The following TXNRD2 variants were observed in gnomAD, a reference collection of about 807,000 sequenced individuals.
TXNRD2 encodes the protein thioredoxin reductase 2, mitochondrial.
A neutral mutation model predicts 70.8 loss-of-function variants in TXNRD2; 67 were observed. The ratio of observed to expected loss-of-function variants is 0.95; its 90% confidence interval spans 0.78 to 1.16. The LOEUF (loss-of-function observed/expected upper bound fraction) is 1.16. Among genes scored for constraint, TXNRD2 ranks in the 50% most tolerant of loss-of-function variants. TXNRD2 has a pLI of 0.00. For missense variants in TXNRD2, 644 were observed against 719.9 expected (o/e 0.89, Z 1.21); for synonymous variants, 301 against 295.8 (o/e 1.02, Z -0.18).
At chr22:19,910,373 A>C (rs16982751) in intron 8 of TXNRD2, among the ~76,000 whole-genome samples, 5,206 of 152,232 alleles carry the variant, frequency 0.034, 126 homozygotes, top group South Asian at 0.087. Flanking sequence ...GAAGACAGTG[A>C]GGGTGTTAGA....
chr22:19,890,485 C>T lies in TXNRD2; in HGVS notation c.949+4922G>A, dbSNP rs139453294. 3.7e-3 allele frequency among the ~76,000 whole-genome samples: 561 copies of T among 152,282 alleles called. 4 individuals are homozygous for T. The highest frequency in any genetic ancestry group is 0.012 in the African/African-American group (519 of 41,546). On this transcript the variant is annotated intron_variant, in intron 11 of 17. Transcript: ENST00000400521. Reference sequence around the variant, plus strand: ...GGGTCACTGCTGGGCCCATCCCCACCGGGAAGAGCATAGCCACAAACTTGG... The same window carrying T: ...GGGTCACTGCTGGGCCCATCCCCACTGGGAAGAGCATAGCCACAAACTTGG...
chr22:19,881,145 T>G, intron 12 of TXNRD2: 1 of 443,992 alleles, frequency 2.3e-6, no homozygotes, highest in East Asian at 3.3e-5. Context: ...GCTCCTGACG[T>G]GCAGCTTGAT....
At chr22:19,875,913 GAAAT>G (rs879786748) in intron 17 of TXNRD2, 106 bp from the exon 18 acceptor site, 1 of 152,372 alleles carries the variant, frequency 6.6e-6, no homozygotes, top group Admixed American at 6.5e-5. Flanking sequence ...AGATGGGTGA[GAAAT>G]AAACCCAGCA....
rs1444046000 is a variant in TXNRD2, at chr22:19,878,029, C to T, written c.1445+61G>A. On this transcript the variant is annotated intron_variant, in intron 16 of 17. Transcript: ENST00000400521. ...GCAGCAGCTCTCCACTGTAGGACTG[C>T]CGGCACTCGAGGGATACCCAGCTGC... 3.5e-6 allele frequency: 5 copies of T among 1,417,024 alleles called. No homozygotes were observed. The African/African-American group carries it at 7.1e-5, about 20-fold the overall frequency. The allele number at this position is 1,417,024 out of a possible 1,614,324, so 87.8% of individuals were successfully genotyped here.
intron 4 of TXNRD2, 105 bp downstream of exon 4, chr22:19,918,755 C>T: frequency 7.0e-7 from 1 of 1,428,620 alleles, no homozygotes; most frequent in Non-Finnish European, 9.7e-7. Flanking sequence ...GAAACCCATC[C>T]TACGGCCCAC....
At chr22:19,924,323 A>G (rs1466258592) in intron 2 of TXNRD2, among the ~76,000 whole-genome samples, 2 of 152,038 alleles carry the variant, frequency 1.3e-5, no homozygotes, top group Non-Finnish European at 2.9e-5. Flanking sequence ...CATCCTTTAT[A>G]GCCACATAGC....
chr22:19,912,718 T>C (rs1940467377), intron 7 of TXNRD2, among the ~76,000 whole-genome samples: 1 of 152,230 alleles, frequency 6.6e-6, no homozygotes, highest in Admixed American at 6.5e-5. Context: ...GAGCCCCACC[T>C]CTGTGCATAA....
chr22:19,911,560 A>G, intron 7 of TXNRD2, 113 bp from the exon 8 acceptor site: 1 of 811,384 alleles, frequency 1.2e-6, no homozygotes, highest in Non-Finnish European at 2.1e-6. Context: ...CAGGGCACAC[A>G]TGCACAGGGC....
chr22:19,928,207 T>C (rs1485870438), intron 2 of TXNRD2, among the ~76,000 whole-genome samples: 2 of 151,770 alleles, frequency 1.3e-5, no homozygotes, highest in Non-Finnish European at 2.9e-5. Flanking sequence ...CACGATCCAG[T>C]TGGTCCATTT....
In TXNRD2 at chr22:19,895,958, C is replaced by G. The variant is rs147959426; in HGVS notation, c.775-377G>C. ...GCTGCAATGAACTGTGATCACACCA[C>G]TGCACTCCAGCCTGGGCGACAGAGT... On this transcript the variant is annotated intron_variant, in intron 10 of 17. Transcript: ENST00000400521. Among the ~76,000 whole-genome samples the G allele has an allele frequency of 2.7e-3, 413 of 152,334 alleles. 3 individuals are homozygous for G. Among genetic ancestry groups the G allele is most frequent in the African/African-American group, 9.6e-3 (399 of 41,574 alleles).
chr22:19,883,625 G>A, intron 11 of TXNRD2, 164 bp from the exon 12 acceptor site: 3 of 966,128 alleles, frequency 3.1e-6, no homozygotes, highest in Non-Finnish European at 3.2e-6. Flanking sequence ...ATCACCTGAG[G>A]TCATGAGTTC....
intron 1 of TXNRD2, 60 bp from the exon 2 acceptor site, chr22:19,931,158 C>T: frequency 1.3e-6 from 2 of 1,500,878 alleles, no homozygotes; most frequent in East Asian, 2.3e-5. Flanking sequence ...GGTACAGGAT[C>T]AATTTTATCA....
chr22:19,935,998 G>C (rs561759896), intron 1 of TXNRD2, among the ~76,000 whole-genome samples: 2 of 152,300 alleles, frequency 1.3e-5, no homozygotes, highest in South Asian at 4.2e-4. Flanking sequence ...AAATGGGGGA[G>C]TTCGGGTTCC....
Position 19,883,432 on chromosome 22 carries a change from A to G in TXNRD2, c.979T>C (p.Leu327=). Residue 327 remains leucine, a synonymous_variant, in exon 12 of 18, where the codon TTG becomes CTG. Coordinates refer to ENST00000400521, the MANE Select transcript of TXNRD2 (RefSeq NM_006440.5). The part of the protein sequence containing the change: ...GRVPDTRSLN[L]EKAGVDTSPD... ...CTAGTATCTACCCCAGCCTTCTCCA[A>G]ATTCAGACTTCTGGTGTCTGGGACT... 3 of 1,614,030 alleles carry G rather than the reference A, an allele frequency of 1.9e-6. No homozygotes were observed. Among genetic ancestry groups the G allele is most frequent in the Non-Finnish European group, 2.5e-6 (3 of 1,180,034 alleles).
chr22:19,898,985 G>A (rs1939647943), intron 9 of TXNRD2, 64 bp downstream of exon 9: 6 of 1,596,518 alleles, frequency 3.8e-6, no homozygotes, highest in Non-Finnish European at 5.1e-6. Flanking sequence ...GGGTGGCAGG[G>A]AGGGACTCAA....
At chr22:19,887,180 G>T (rs1939068935) in intron 11 of TXNRD2, 1 of 152,072 alleles carries the variant, frequency 6.6e-6, no homozygotes, top group South Asian at 2.1e-4. Flanking sequence ...TTCCTTCTTT[G>T]TAAGAGCTTA....
rs371153395 is a variant in TXNRD2, at chr22:19,895,439, G to A, written c.917C>T (p.Thr306Met). 5.3e-5 allele frequency: 86 copies of A among 1,613,814 alleles called. 1 individual carries two copies. The highest frequency in any genetic ancestry group is 2.5e-4 in the South Asian group (23 of 91,086). ...CCACAGGACGGTGTCAAAGGTGCCC[G>A]TGTCCTCCTTGCCGGTGGTGCTGTC... ...WEDSTTGKEDTGTFDTVLWAI... is the reference protein window; with the variant it reads ...WEDSTTGKEDMGTFDTVLWAI... Residue 306 changes from threonine (T) to methionine (M), a missense_variant, in exon 11 of 18, where the codon ACG becomes ATG. Physicochemically the swap from Thr to Met is moderately conservative, Grantham distance 81. Coordinates refer to ENST00000400521, the MANE Select transcript of TXNRD2 (RefSeq NM_006440.5).
At chr22:19,909,791 ACAC>A (rs761287486) in intron 8 of TXNRD2, among the ~76,000 whole-genome samples, 4 of 118,514 alleles carry the variant, frequency 3.4e-5, no homozygotes, top group East Asian at 5.4e-4. Context: ...CACCACACAC[ACAC>A]CACTCACACA....
At chr22:19,922,317 T>A (rs1188238025) in intron 2 of TXNRD2, among the ~76,000 whole-genome samples, 1 of 152,130 alleles carries the variant, frequency 6.6e-6, no homozygotes, top group Non-Finnish European at 1.5e-5. Flanking sequence ...CTCCACCTTA[T>A]CACATATGAT....
Sources: allele counts gnomAD v4.1 joint callset (sites outside exome capture counted in the v4.1 genomes callset), GRCh38; gene constraint gnomAD v4.1.1; transcripts MANE v1.5; gene names NCBI Gene and HGNC (gene_info 2026-07-23, HGNC 2026-07-21).